The following CRYBA4 variants were observed in gnomAD, a reference collection of about 807,000 sequenced individuals.
The protein encoded by CRYBA4 is beta-crystallin A4.
Under a neutral mutation model 31.7 loss-of-function variants are expected in CRYBA4, and 30 were observed. The observed-to-expected ratio is 0.95, with a 90% CI of 0.71 to 1.28. CRYBA4 has a LOEUF of 1.28. Among genes scored for constraint, CRYBA4 ranks in the 50% most tolerant of loss-of-function variants. The pLI, the probability that CRYBA4 is intolerant of heterozygous loss-of-function variation, is 0.00. For missense variants in CRYBA4, 225 were observed against 260.7 expected (o/e 0.86, Z 0.94); for synonymous variants, 102 against 102.3 (o/e 1.00, Z 0.02).
chr22:26,629,532 A>C (rs1285628949), intron 5 of CRYBA4, among the ~76,000 whole-genome samples: 7 of 152,008 alleles, frequency 4.6e-5, no homozygotes, highest in Non-Finnish European at 8.8e-5. Context: ...ACCTGAGGTC[A>C]GGAGTTCGAG....
intron 3 of CRYBA4, among the ~76,000 whole-genome samples, chr22:26,625,000 C>T (rs1929658929): frequency 6.6e-6 from 1 of 152,224 alleles, no homozygotes; most frequent in Admixed American, 6.5e-5. Context: ...TCGCTCCTTG[C>T]AAGACTGCCC....
the CRYBA4 span, among the ~76,000 whole-genome samples, chr22:26,609,835 T>TA: frequency 1.4e-4 from 22 of 152,348 alleles, no homozygotes; most frequent in African/African-American, 5.3e-4. Context: ...GGGCAGCACT[T>TA]ACACCTGCTA....
chr22:26,594,372 A>C, the CRYBA4 span, among the ~76,000 whole-genome samples: 1 of 152,122 alleles, frequency 6.6e-6, no homozygotes, highest in African/African-American at 2.4e-5. Flanking sequence ...TCCTGCCTCC[A>C]CCCCACATAT....
intron 4 of CRYBA4, among the ~76,000 whole-genome samples, chr22:26,626,212 G>T (rs1177270325): frequency 6.6e-6 from 1 of 152,128 alleles, no homozygotes; most frequent in Non-Finnish European, 1.5e-5. Context: ...GATCAGCTTG[G>T]CCAACATGGT....
the CRYBA4 span, among the ~76,000 whole-genome samples, chr22:26,597,286 C>T: frequency 6.6e-6 from 1 of 152,166 alleles, no homozygotes; most frequent in Admixed American, 6.5e-5. Flanking sequence ...CCGGGGCCCA[C>T]CACAACTCTC....
At chr22:26,597,742 T>G in the CRYBA4 span, among the ~76,000 whole-genome samples, 69,669 of 151,982 alleles carry the variant, frequency 0.46, 16,463 homozygotes, top group African/African-American at 0.58. Flanking sequence ...ATTCCTGATG[T>G]ACCCCAGCTC....
At chr22:26,627,352 C>CTTT in intron 4 of CRYBA4, among the ~76,000 whole-genome samples, 1 of 41,590 alleles carries the variant, frequency 2.4e-5, no homozygotes, top group South Asian at 1.8e-3. Context: ...TCCCTCCCTC[C>CTTT]CTCCCTCCTT....
chr22:26,623,528 T>G (rs1460208859), intron 3 of CRYBA4, among the ~76,000 whole-genome samples, 176 bp downstream of exon 3: 1 of 152,120 alleles, frequency 6.6e-6, no homozygotes, highest in Non-Finnish European at 1.5e-5. Flanking sequence ...GGTTGCGCAC[T>G]GCCCAACAGT....
At chr22:26,618,389 G>A (rs1929429253), upstream of CRYBA4, among the ~76,000 whole-genome samples, 1 of 152,232 alleles carries the variant, frequency 6.6e-6, no homozygotes. Flanking sequence ...TGCGCGCTGT[G>A]TGGCTTTTGG....
chr22:26,625,709 C>T, intron 4 of CRYBA4, 87 bp downstream of exon 4: 1 of 1,355,246 alleles, frequency 7.4e-7, no homozygotes, highest in Non-Finnish European at 1.0e-6. Flanking sequence ...TTGAAATTCT[C>T]ATGTCGCCAC....
At chr22:26,613,848 G>A in the CRYBA4 span, among the ~76,000 whole-genome samples, 1 of 152,184 alleles carries the variant, frequency 6.6e-6, no homozygotes, top group Non-Finnish European at 1.5e-5. Flanking sequence ...TCTTTCAAAA[G>A]CAAATGGGAG....
At chr22:26,590,932 A>G in the CRYBA4 span, among the ~76,000 whole-genome samples, 1 of 152,236 alleles carries the variant, frequency 6.6e-6, no homozygotes, top group Non-Finnish European at 1.5e-5. Flanking sequence ...TGGAAAAATA[A>G]TAGAGCTATC....
chr22:26,630,251 G>C, intron 5 of CRYBA4, 89 bp from the exon 6 acceptor site: 1 of 1,539,442 alleles, frequency 6.5e-7, no homozygotes, highest in Non-Finnish European at 8.9e-7. Context: ...GGCTGGAATT[G>C]TGTGCGTGTG....
the CRYBA4 span, among the ~76,000 whole-genome samples, chr22:26,603,785 G>A: frequency 1.6e-4 from 24 of 151,844 alleles, no homozygotes; most frequent in Non-Finnish European, 2.8e-4. Context: ...TTAGCTGGGC[G>A]TGGTGGCACG....
At chr22:26,628,754 C>T (rs1929827996) in intron 5 of CRYBA4, among the ~76,000 whole-genome samples, 1 of 152,196 alleles carries the variant, frequency 6.6e-6, no homozygotes, top group South Asian at 2.1e-4. Context: ...CTTAGACAAG[C>T]TCTTCCTGTG....
chr22:26,592,962 C>A, the CRYBA4 span, among the ~76,000 whole-genome samples: 2 of 152,140 alleles, frequency 1.3e-5, no homozygotes, highest in Admixed American at 1.3e-4. Flanking sequence ...TCTCTCAGTA[C>A]CCCTAGCTCA....
At chr22:26,615,189 G>A in the CRYBA4 span, among the ~76,000 whole-genome samples, 1 of 152,200 alleles carries the variant, frequency 6.6e-6, no homozygotes, top group Non-Finnish European at 1.5e-5. Context: ...GCCTACTTCT[G>A]TGACCTGAGG....
chr22:26,612,049 C>A, the CRYBA4 span: 10 of 1,525,962 alleles, frequency 6.6e-6, no homozygotes, highest in Non-Finnish European at 9.1e-6. Flanking sequence ...AGAGAGTGTG[C>A]CCCTCCGCCG....
Position 26,630,600 on chromosome 22 carries a change from AC to A in CRYBA4, c.*116del. 1 of 865,882 alleles carries A rather than the reference AC, an allele frequency of 1.2e-6. No homozygotes were observed. Among genetic ancestry groups the A allele is most frequent in the Non-Finnish European group, 1.9e-6 (1 of 538,716 alleles). 53.6% of individuals were successfully genotyped at this position (865,882 alleles called of 1,614,324 possible). On this transcript the variant is annotated 3_prime_UTR_variant, in exon 6 of 6. Coordinates refer to ENST00000354760, the MANE Select transcript of CRYBA4 (RefSeq NM_001886.3). ...CCCCTGTAACCTGTGTGAACCCAGC[AC>A]CCATGTGAACTGGTCCGTGCACAGT...
Sources: gnomAD v4.1 joint callset for allele counts (sites outside exome capture counted in the v4.1 genomes callset) on GRCh38, gnomAD v4.1.1 for gene constraint, MANE v1.5 for transcripts, NCBI Gene and HGNC (gene_info 2026-07-23, HGNC 2026-07-21) for gene names.